The following UBE2H variants were observed in gnomAD, a reference collection of about 807,000 sequenced individuals.
UBE2H encodes ubiquitin-conjugating enzyme E2 H.
Under a neutral mutation model 29.0 loss-of-function variants are expected in UBE2H, and 3 were observed. The ratio of observed to expected loss-of-function variants is 0.10; its 90% confidence interval spans 0.05 to 0.27. The LOEUF (loss-of-function observed/expected upper bound fraction) is 0.27. Ranked by LOEUF, UBE2H falls within the 10% of genes least tolerant of loss-of-function variation. The pLI is 1.00. For missense variants in UBE2H, 68 were observed against 228.2 expected (o/e 0.30, Z 4.52); for synonymous variants, 69 against 82.9 (o/e 0.83, Z 0.91).
intron 1 of UBE2H, among the ~76,000 whole-genome samples, chr7:129,945,849 G>T (rs1000832360): frequency 6.6e-6 from 1 of 152,030 alleles, no homozygotes; most frequent in African/African-American, 2.4e-5. Context: ...CAAGCGAATT[G>T]ATTCTCCTGC....
At chr7:129,871,899 T>C (rs1806042912) in intron 3 of UBE2H, among the ~76,000 whole-genome samples, 1 of 152,032 alleles carries the variant, frequency 6.6e-6, no homozygotes, top group African/African-American at 2.4e-5. Context: ...CAGGCTGGAG[T>C]GTAGCAGCGC....
intron 3 of UBE2H, among the ~76,000 whole-genome samples, chr7:129,862,168 C>T (rs569192029): frequency 2.0e-5 from 3 of 152,278 alleles, no homozygotes; most frequent in South Asian, 4.1e-4. Context: ...GGGAACAATG[C>T]TGAGCCACTA....
At chr7:129,867,723 C>CAAAAAAA (rs1563027569) in intron 3 of UBE2H, among the ~76,000 whole-genome samples, 1 of 65,562 alleles carries the variant, frequency 1.5e-5, no homozygotes, top group Non-Finnish European at 2.7e-5. Context: ...AAAAAGAAAA[C>CAAAAAAA]CAAAAAAAAA....
chr7:129,901,153 T>C (rs1347229246), intron 1 of UBE2H, among the ~76,000 whole-genome samples: 1 of 152,244 alleles, frequency 6.6e-6, no homozygotes, highest in African/African-American at 2.4e-5. Flanking sequence ...GTTCCTCACC[T>C]CAGACAGAAC....
chr7:129,937,321 T>C (rs547325339), intron 1 of UBE2H, among the ~76,000 whole-genome samples: 4 of 151,998 alleles, frequency 2.6e-5, no homozygotes, highest in South Asian at 2.1e-4. Flanking sequence ...AGAGTGAGAC[T>C]CCATCTCAAA....
chr7:129,889,285 T>A (rs77882259), intron 1 of UBE2H, among the ~76,000 whole-genome samples: 163 of 152,294 alleles, frequency 1.1e-3, no homozygotes, highest in African/African-American at 3.5e-3. Flanking sequence ...GAAAGAAATA[T>A]TCAAGACCTC....
chr7:129,920,175 T>C (rs949827758), intron 1 of UBE2H, among the ~76,000 whole-genome samples: 3 of 152,218 alleles, frequency 2.0e-5, no homozygotes, highest in African/African-American at 4.8e-5. Flanking sequence ...TTTTTCAGGG[T>C]AAATATTTTA....
intron 1 of UBE2H, among the ~76,000 whole-genome samples, chr7:129,908,785 A>G (rs1806871814): frequency 6.6e-6 from 1 of 152,232 alleles, no homozygotes; most frequent in African/African-American, 2.4e-5. Context: ...ATTATCCCCA[A>G]CAAAGACTGC....
intron 1 of UBE2H, among the ~76,000 whole-genome samples, chr7:129,935,400 G>C (rs1243949993): frequency 1.4e-5 from 2 of 145,230 alleles, no homozygotes; most frequent in East Asian, 2.0e-4. Flanking sequence ...GCGACAGAGC[G>C]AGACTGTCTC....
At chr7:129,945,681 A>C (rs943968336) in intron 1 of UBE2H, among the ~76,000 whole-genome samples, 8 of 152,248 alleles carry the variant, frequency 5.3e-5, no homozygotes, top group African/African-American at 1.9e-4. Flanking sequence ...CTTATTCATC[A>C]GAGAAAAATG....
intron 5 of UBE2H, among the ~76,000 whole-genome samples, chr7:129,848,860 C>T (rs1584741882): frequency 2.0e-5 from 2 of 100,946 alleles, no homozygotes; most frequent in African/African-American, 6.8e-5. Flanking sequence ...TTTGGTAAGG[C>T]CTGAAATAGG....
intron 6 of UBE2H, among the ~76,000 whole-genome samples, chr7:129,838,309 T>C (rs1057264537): frequency 2.6e-5 from 4 of 152,232 alleles, no homozygotes; most frequent in Admixed American, 2.6e-4. Flanking sequence ...TAGTCCCTGT[T>C]TGCCTCATAC....
Position 129,875,167 on chromosome 7 carries a change from ATT to A in UBE2H, c.205+4399_205+4400del, listed in dbSNP as rs1266150960. On this transcript the variant is annotated intron_variant, in intron 3 of 6. Coordinates refer to ENST00000355621, the MANE Select transcript of UBE2H (RefSeq NM_003344.4). ...ATAATAAAAGCAAACATTGTAGACT[ATT>A]TGGAAATTACAGAAAAGTATGTTTT... Among the ~76,000 whole-genome samples the A allele has an allele frequency of 2.6e-5, 4 of 152,376 alleles. No homozygotes were observed. In the South Asian group the frequency reaches 8.3e-4, roughly 32 times the overall value.
At chr7:129,868,565 C>T (rs1331592065) in intron 3 of UBE2H, among the ~76,000 whole-genome samples, 3 of 110,712 alleles carry the variant, frequency 2.7e-5, no homozygotes, top group African/African-American at 3.5e-5. Flanking sequence ...CCGGCCTGGG[C>T]GACAGAGCGA....
intron 1 of UBE2H, among the ~76,000 whole-genome samples, chr7:129,902,115 TA>T (rs1045845040): frequency 1.7e-4 from 26 of 152,190 alleles, no homozygotes; most frequent in African/African-American, 6.3e-4. Flanking sequence ...CAAAGAGTTC[TA>T]AGAAAAGGCT....
chr7:129,921,420 G>A (rs1461074608), intron 1 of UBE2H, among the ~76,000 whole-genome samples: 4 of 152,002 alleles, frequency 2.6e-5, no homozygotes, highest in Non-Finnish European at 4.4e-5. Flanking sequence ...TGATTTTGCC[G>A]GGCATGGTGG....
intron 1 of UBE2H, among the ~76,000 whole-genome samples, chr7:129,892,394 G>A (rs1401118397): frequency 1.3e-5 from 2 of 151,964 alleles, no homozygotes; most frequent in Non-Finnish European, 2.9e-5. Flanking sequence ...TGGGATTACA[G>A]GTGCACACCA....
At chr7:129,865,040 A>C (rs757420829) in intron 3 of UBE2H, 1 of 442,406 alleles carries the variant, frequency 2.3e-6, no homozygotes, top group South Asian at 1.6e-5. Flanking sequence ...GTCTTTTAGC[A>C]GAAGGGAATT....
At chr7:129,939,966 AAAAGAAAGAAAG>A (rs111951262) in intron 1 of UBE2H, among the ~76,000 whole-genome samples, 9 of 151,980 alleles carry the variant, frequency 5.9e-5, no homozygotes, top group Non-Finnish European at 1.0e-4. Flanking sequence ...CTCAAAAAAA[AAAAGAAAGAAAG>A]AAAGAAAGAA....
Sources: gnomAD v4.1 joint callset for allele counts (sites outside exome capture counted in the v4.1 genomes callset) on GRCh38, gnomAD v4.1.1 for gene constraint, MANE v1.5 for transcripts, NCBI Gene and HGNC (gene_info 2026-07-23, HGNC 2026-07-21) for gene names.